Variants in KLF8 observed in about 807,000 individuals in gnomAD.
The protein encoded by KLF8 is Krueppel-like factor 8.
Under a neutral mutation model 18.2 loss-of-function variants are expected in KLF8, and 10 were observed. The ratio of observed to expected loss-of-function variants is 0.55; its 90% CI spans 0.34 to 0.93. The LOEUF is 0.93. KLF8 is among the 40% of genes least tolerant of loss of function. KLF8 has a pLI of 0.02. For synonymous variants in KLF8, 109 were observed against 97.3 expected (o/e 1.12, Z -0.71); for missense variants, 264 against 277.9 (o/e 0.95, Z 0.36).
the KLF8 span, among the ~76,000 whole-genome samples, chrX:56,154,080 C>T: frequency 1.8e-5 from 2 of 111,315 alleles, no homozygotes; most frequent in African/African-American, 6.5e-5. Context: ...GAAAAAACTA[C>T]TTTAAAGTTC....
the KLF8 span, among the ~76,000 whole-genome samples, chrX:55,963,584 A>T: frequency 8.9e-6 from 1 of 112,235 alleles, no homozygotes; most frequent in Non-Finnish European, 1.9e-5. Flanking sequence ...ATTTCTAAAT[A>T]TATATTCATT....
the KLF8 span, among the ~76,000 whole-genome samples, chrX:56,054,715 G>T: frequency 9.0e-6 from 1 of 111,695 alleles, no homozygotes; most frequent in East Asian, 2.8e-4. Context: ...CACTGTGTGT[G>T]AGTCTACGTC....
At chrX:56,264,382 G>GT (rs1325873966) in intron 2 of KLF8, among the ~76,000 whole-genome samples, 5 of 107,027 alleles carry the variant, frequency 4.7e-5, no homozygotes, top group Non-Finnish European at 9.6e-5. Flanking sequence ...GTATTTATTG[G>GT]TTTTTTAAAC....
At chrX:56,118,226 G>A in the KLF8 span, among the ~76,000 whole-genome samples, 1 of 111,340 alleles carries the variant, frequency 9.0e-6, no homozygotes, top group Admixed American at 9.6e-5. Context: ...CTACCCCACA[G>A]GGCTGTTGTG....
At chrX:56,060,967 T>C in the KLF8 span, among the ~76,000 whole-genome samples, 1 of 112,189 alleles carries the variant, frequency 8.9e-6, no homozygotes, top group Non-Finnish European at 1.9e-5. Context: ...CTAGGTCTTC[T>C]AGTTTATTGA....
chrX:55,909,216 G>T, the KLF8 span, among the ~76,000 whole-genome samples: 49 of 112,373 alleles, frequency 4.4e-4, no homozygotes, highest in South Asian at 4.1e-3. Context: ...AAGGGTGGCA[G>T]TACCTCTATG....
the KLF8 span, among the ~76,000 whole-genome samples, chrX:55,971,959 G>A: frequency 9.0e-6 from 1 of 110,745 alleles, no homozygotes; most frequent in African/African-American, 3.3e-5. Context: ...CTGTTGATGG[G>A]AATGTAAATT....
At chrX:56,160,983 C>T in the KLF8 span, among the ~76,000 whole-genome samples, 2 of 111,096 alleles carry the variant, frequency 1.8e-5, no homozygotes, top group Non-Finnish European at 3.8e-5. Flanking sequence ...TCTTCCTAGC[C>T]TCGATGGTCT....
At chrX:56,003,217 C>T in the KLF8 span, among the ~76,000 whole-genome samples, 2 of 109,538 alleles carry the variant, frequency 1.8e-5, no homozygotes, top group Non-Finnish European at 3.8e-5. Context: ...ATGGTGAAAC[C>T]CCGCCTCTAC....
At chrX:56,113,554 G>GTTTTTTTTTTTTTTTTTT in the KLF8 span, among the ~76,000 whole-genome samples, 2 of 34,654 alleles carry the variant, frequency 5.8e-5, no homozygotes, top group African/African-American at 2.5e-4. Context: ...GGCAGGGATA[G>GTTTTTTTTTTTTTTTTTT]TTTTTTTTTT....
chrX:56,047,946 A>G, the KLF8 span, among the ~76,000 whole-genome samples: 1 of 111,605 alleles, frequency 9.0e-6, no homozygotes. Flanking sequence ...TGACTTTTTA[A>G]TGATTGCCAT....
chrX:56,028,129 T>A, the KLF8 span, among the ~76,000 whole-genome samples: 2 of 112,028 alleles, frequency 1.8e-5, no homozygotes, highest in African/African-American at 6.5e-5. Context: ...ACTGCCATTT[T>A]TTCTCTTTCT....
At chrX:56,172,174 G>A in the KLF8 span, among the ~76,000 whole-genome samples, 4 of 109,527 alleles carry the variant, frequency 3.7e-5, no homozygotes. Context: ...AGTTACAAAT[G>A]TATACATGTG....
At chrX:56,064,476 A>G in the KLF8 span, among the ~76,000 whole-genome samples, 5 of 110,597 alleles carry the variant, frequency 4.5e-5, no homozygotes, top group Non-Finnish European at 9.4e-5. Flanking sequence ...CTGCCAGTCA[A>G]TATCTTTTAA....
the KLF8 span, among the ~76,000 whole-genome samples, chrX:56,048,398 T>G: frequency 7.1e-5 from 8 of 112,241 alleles, no homozygotes; most frequent in African/African-American, 2.6e-4. Flanking sequence ...TTTTTGGTTT[T>G]AGGACTAACA....
chrX:56,249,204 C>T (rs2066668978), intron 1 of KLF8, among the ~76,000 whole-genome samples: 1 of 112,498 alleles, frequency 8.9e-6, no homozygotes, highest in African/African-American at 3.2e-5. Flanking sequence ...AGGCAGCCCC[C>T]AGAAGAAATA....
chrX:56,015,239 A>G, the KLF8 span: 136 of 111,958 alleles, frequency 1.2e-3, no homozygotes, highest in African/African-American at 4.2e-3. Context: ...TTAAGAAGAC[A>G]TATCTACAGT....
the KLF8 span, among the ~76,000 whole-genome samples, chrX:55,947,373 A>T: frequency 9.2e-6 from 1 of 108,867 alleles, no homozygotes; most frequent in Non-Finnish European, 1.9e-5. Flanking sequence ...CATTCTCAGT[A>T]AACTATCTCA....
the KLF8 span, among the ~76,000 whole-genome samples, chrX:56,045,397 G>A: frequency 1.8e-5 from 2 of 110,710 alleles, no homozygotes; most frequent in African/African-American, 6.6e-5. Context: ...TTTTCGTTCT[G>A]TATGAATTAT....
Sources: allele counts gnomAD v4.1 joint callset (sites outside exome capture counted in the v4.1 genomes callset), GRCh38; gene constraint gnomAD v4.1.1; transcripts MANE v1.5; gene names NCBI Gene and HGNC (gene_info 2026-07-23, HGNC 2026-07-21).